Variants in PRKN observed in about 807,000 individuals in gnomAD.
PRKN encodes E3 ubiquitin-protein ligase parkin.
A neutral mutation model predicts 59.5 loss-of-function variants in PRKN; 56 were observed. The observed-to-expected ratio is 0.94, with a 90% CI of 0.76 to 1.18. The LOEUF (loss-of-function observed/expected upper bound fraction) is 1.18. PRKN is among the 50% of genes most tolerant of loss of function. PRKN has a pLI of 0.00. For synonymous variants in PRKN, 250 were observed against 222.1 expected, an observed-to-expected ratio of 1.13 and a Z score of -1.12; for missense variants, 657 against 596.4, an observed-to-expected ratio of 1.10 and a Z score of -1.06.
chr6:162,230,977 A>C (rs1022100744), intron 3 of PRKN, among the ~76,000 whole-genome samples: 1 of 152,210 alleles, frequency 6.6e-6, no homozygotes, highest in East Asian at 1.9e-4. Context: ...AATGTGATGT[A>C]AATTCATTGG....
chr6:162,655,513 C>T (rs1778611131), intron 1 of PRKN, among the ~76,000 whole-genome samples: 1 of 152,078 alleles, frequency 6.6e-6, no homozygotes, highest in African/African-American at 2.4e-5. Flanking sequence ...GTTTTTCTCC[C>T]TAGCTCTTAT....
At chr6:161,774,272 C>T (rs1162772485) in intron 7 of PRKN, among the ~76,000 whole-genome samples, 1 of 151,990 alleles carries the variant, frequency 6.6e-6, no homozygotes, top group African/African-American at 2.4e-5. Flanking sequence ...TTATGTTTCG[C>T]CCTCCTCTCC....
chr6:162,444,587 C>T (rs1322563030), intron 1 of PRKN, among the ~76,000 whole-genome samples: 1 of 152,154 alleles, frequency 6.6e-6, no homozygotes, highest in East Asian at 1.9e-4. Flanking sequence ...TGCCTACCTC[C>T]ATGGCCCACT....
intron 1 of PRKN, among the ~76,000 whole-genome samples, chr6:162,673,312 C>T (rs900875376): frequency 6.6e-6 from 1 of 152,060 alleles, no homozygotes; most frequent in African/African-American, 2.4e-5. Flanking sequence ...AAGTACTTAA[C>T]GGAGTGAAAA....
rs574523035 is a variant in PRKN at position 161,714,637 on chromosome 6, A to G, written c.871+71135T>C. Among the ~76,000 whole-genome samples, 3 of 152,340 alleles carry G rather than the reference A, an allele frequency of 2.0e-5. No homozygotes were observed. The South Asian group carries it at 6.2e-4, about 32-fold the overall frequency. ...AGTGTCCATGTACTCCATGTAAAAC[A>G]CTTTTTTTAAATGGCCATTTAAGAC... On this transcript the variant is annotated intron_variant, in intron 7 of 11. Coordinates refer to ENST00000366898, the MANE Select transcript of PRKN (RefSeq NM_004562.3).
intron 2 of PRKN, chr6:162,267,262 G>A (rs1454668175): frequency 6.6e-6 from 1 of 152,030 alleles, no homozygotes; most frequent in Non-Finnish European, 1.5e-5. Context: ...GACTCTTACA[G>A]AAAATCTTCT....
In PRKN at chr6:162,299,455, A is replaced by AT. The variant is rs951756075; in HGVS notation, c.172-36691dup. Among the ~76,000 whole-genome samples, 134 of 151,992 alleles carry AT rather than the reference A, an allele frequency of 8.8e-4. 1 individual carries two copies. The highest frequency in any genetic ancestry group is 3.2e-3 in the African/African-American group (132 of 41,472). On this transcript the variant is annotated intron_variant, in intron 2 of 11. Coordinates refer to ENST00000366898, the MANE Select transcript of PRKN (RefSeq NM_004562.3). Reference sequence around the variant, plus strand: ...GCAGCTTCTTCGATAAAAACAGTCTATTTTTTTCCCAGGTGCACCCAAGTG... The same window carrying AT: ...GCAGCTTCTTCGATAAAAACAGTCTATTTTTTTTCCCAGGTGCACCCAAGTG...
At chr6:161,747,503 GA>G (rs1282842242) in intron 7 of PRKN, among the ~76,000 whole-genome samples, 1 of 152,030 alleles carries the variant, frequency 6.6e-6, no homozygotes, top group Non-Finnish European at 1.5e-5. Context: ...GTTGACTCAT[GA>G]ACTGTCATAG....
At chr6:161,937,615 T>G (rs746000494) in intron 6 of PRKN, among the ~76,000 whole-genome samples, 1 of 152,246 alleles carries the variant, frequency 6.6e-6, no homozygotes, top group Non-Finnish European at 1.5e-5. Flanking sequence ...CTGAGAATGC[T>G]TAGACAACTT....
chr6:161,723,966 C>T (rs1321710760), intron 7 of PRKN, among the ~76,000 whole-genome samples: 2 of 152,220 alleles, frequency 1.3e-5, no homozygotes, highest in East Asian at 1.9e-4. Context: ...TCACCTACAG[C>T]TCCTTCCACT....
At chr6:161,975,545 C>T (rs1456269520) in intron 5 of PRKN, among the ~76,000 whole-genome samples, 2 of 152,190 alleles carry the variant, frequency 1.3e-5, no homozygotes, top group African/African-American at 4.8e-5. Flanking sequence ...ACCTCATCCT[C>T]CTCTGACATG....
chr6:162,290,311 A>C (rs146149779), intron 2 of PRKN, among the ~76,000 whole-genome samples: 1 of 152,322 alleles, frequency 6.6e-6, no homozygotes, highest in African/African-American at 2.4e-5. Flanking sequence ...ACTTCATTGA[A>C]TAAGTTTCTT....
rs185519524 is a variant in PRKN, at chr6:162,611,923, C to A, written c.7+115739G>T. 1.7e-4 allele frequency among the ~76,000 whole-genome samples: 26 copies of A among 152,076 alleles called. No individual in the cohort carries two copies. The South Asian group carries it at 3.3e-3, about 19-fold the overall frequency. On this transcript the variant is annotated intron_variant, in intron 1 of 11. Coordinates refer to ENST00000366898, the MANE Select transcript of PRKN (RefSeq NM_004562.3). Reference sequence around the variant, plus strand: ...TGATACAGCGGGGCGTGGTGGCTCACGCCTGTAATCCCAGCACTTTGGGAG... The same window carrying A: ...TGATACAGCGGGGCGTGGTGGCTCAAGCCTGTAATCCCAGCACTTTGGGAG...
intron 5 of PRKN, among the ~76,000 whole-genome samples, chr6:162,006,660 C>T (rs1782267068): frequency 6.6e-6 from 1 of 152,194 alleles, no homozygotes; most frequent in Non-Finnish European, 1.5e-5. Context: ...CTAGCTGTCT[C>T]ATTAGCCGAG....
chr6:162,653,150 C>T (rs1294788213), intron 1 of PRKN, among the ~76,000 whole-genome samples: 2 of 152,100 alleles, frequency 1.3e-5, no homozygotes, highest in East Asian at 1.9e-4. Flanking sequence ...ATTTAAAAAT[C>T]GATGATTGCA....
intron 2 of PRKN, among the ~76,000 whole-genome samples, chr6:162,296,571 C>G (rs918256162): frequency 6.6e-6 from 1 of 152,118 alleles, no homozygotes; most frequent in Non-Finnish European, 1.5e-5. Flanking sequence ...CCACAACTAT[C>G]TATCCATTCT....
At chr6:162,584,401 A>C (rs1442068330) in intron 1 of PRKN, among the ~76,000 whole-genome samples, 1 of 152,154 alleles carries the variant, frequency 6.6e-6, no homozygotes, top group Non-Finnish European at 1.5e-5. Flanking sequence ...AATTGCTGAG[A>C]GGAACACTCT....
intron 1 of PRKN, among the ~76,000 whole-genome samples, chr6:162,537,480 C>G (rs546830147): frequency 6.6e-6 from 1 of 152,206 alleles, no homozygotes; most frequent in East Asian, 1.9e-4. Flanking sequence ...ACTGTCTTCC[C>G]ACTTTAGGCC....
chr6:162,687,431 G>T (rs370207079), intron 1 of PRKN, among the ~76,000 whole-genome samples: 4 of 151,886 alleles, frequency 2.6e-5, no homozygotes, highest in Non-Finnish European at 5.9e-5. Context: ...TGATCCACCC[G>T]CCTTGGCCTC....
Sources: allele counts gnomAD v4.1 joint callset (sites outside exome capture counted in the v4.1 genomes callset), GRCh38; gene constraint gnomAD v4.1.1; transcripts MANE v1.5; gene names NCBI Gene and HGNC (gene_info 2026-07-23, HGNC 2026-07-21).